ADGRB3: variants seen among roughly 807,000 people sequenced by gnomAD.
ADGRB3 encodes the protein brain-specific angiogenesis inhibitor 3.
In ADGRB3, 37 loss-of-function variants were observed where a neutral mutation model predicts 193.4. That is an observed-to-expected ratio of 0.19 (90% CI 0.15 to 0.25). The LOEUF is 0.25. Among genes scored for constraint, ADGRB3 ranks in the 10% least tolerant of loss-of-function variants. The probability of loss-of-function intolerance (pLI) is 1.00; values close to 1 mark genes in which losing one functional copy is unlikely to be tolerated. For missense variants in ADGRB3, 1,637 were observed against 1,852.9 expected (o/e 0.88, Z 2.14); for synonymous variants, 690 against 644.2 (o/e 1.07, Z -1.08).
rs72235249 is a variant in ADGRB3, at chr6:68,783,291, A to AATAT, written c.757+143873_757+143876dup. ...AACACTGCCCTATATTGCCTCCCTA[A>AATAT]ATATATATATATATATAACATACAT... On this transcript the variant is annotated intron_variant, in intron 3 of 31. Transcript: ENST00000370598. Among the ~76,000 whole-genome samples, 737 of 144,056 alleles carry AATAT rather than the reference A, an allele frequency of 5.1e-3. 6 individuals carry two copies. Among genetic ancestry groups the AATAT allele is most frequent in the African/African-American group, 0.017 (664 of 39,766 alleles). The allele number at this position is 144,056 out of a possible 152,430, so 94.5% of individuals were successfully genotyped here. A position where few individuals can be genotyped will look rare whatever the true frequency, so the allele number is the denominator to read the frequency against.
chr6:69,376,835 C>CT (rs887612387), intron 30 of ADGRB3, among the ~76,000 whole-genome samples: 4 of 151,932 alleles, frequency 2.6e-5, no homozygotes, highest in African/African-American at 7.3e-5. Context: ...CAATAGCCAT[C>CT]TTTTTTTATA....
intron 26 of ADGRB3, among the ~76,000 whole-genome samples, chr6:69,349,196 C>T (rs1048738662): frequency 1.3e-5 from 2 of 152,212 alleles, no homozygotes; most frequent in Admixed American, 1.3e-4. Context: ...CATAATGTCC[C>T]TTTCCTTCCT....
chr6:68,755,036 C>T (rs1279797749), intron 3 of ADGRB3, among the ~76,000 whole-genome samples: 2 of 152,158 alleles, frequency 1.3e-5, no homozygotes, highest in African/African-American at 4.8e-5. Context: ...TGTGCAACCA[C>T]ATGTGCTTGT....
chr6:68,816,650 G>C (rs374699479), intron 3 of ADGRB3, among the ~76,000 whole-genome samples: 1 of 151,586 alleles, frequency 6.6e-6, no homozygotes, highest in East Asian at 1.9e-4. Flanking sequence ...TGGCTCCCAA[G>C]CTACCTTTTC....
At chr6:69,227,066 G>C (rs1766034208) in intron 17 of ADGRB3, among the ~76,000 whole-genome samples, 1 of 152,182 alleles carries the variant, frequency 6.6e-6, no homozygotes, top group Non-Finnish European at 1.5e-5. Flanking sequence ...ACTACAGATG[G>C]GAAGTTACTG....
chr6:69,301,850 G>A (rs983520860), intron 20 of ADGRB3, among the ~76,000 whole-genome samples: 11 of 151,858 alleles, frequency 7.2e-5, no homozygotes, highest in African/African-American at 2.4e-4. Context: ...GTAGATGCAG[G>A]ATTTCTATAA....
At chr6:69,140,824 T>C (rs1329771878) in intron 17 of ADGRB3, among the ~76,000 whole-genome samples, 1 of 151,978 alleles carries the variant, frequency 6.6e-6, no homozygotes, top group African/African-American at 2.4e-5. Context: ...GAGAAAGATA[T>C]GAACAAGAAT....
intron 17 of ADGRB3, among the ~76,000 whole-genome samples, chr6:69,120,554 G>A (rs1441221874): frequency 6.6e-6 from 1 of 152,186 alleles, no homozygotes; most frequent in Non-Finnish European, 1.5e-5. Flanking sequence ...AGAGTGAATG[G>A]TAGTGGTACT....
chr6:68,712,584 T>G (rs994017029), intron 3 of ADGRB3, among the ~76,000 whole-genome samples: 3 of 151,246 alleles, frequency 2.0e-5, no homozygotes, highest in South Asian at 4.2e-4. Context: ...CAGAAAAAAA[T>G]GTAGAAATAT....
chr6:69,080,965 G>A (rs758115009), intron 17 of ADGRB3, among the ~76,000 whole-genome samples: 2 of 151,948 alleles, frequency 1.3e-5, no homozygotes, highest in African/African-American at 2.4e-5. Flanking sequence ...TGTTCTAGGT[G>A]CCAGCATGTT....
Position 69,061,682 on chromosome 6 carries a change from G to T in ADGRB3, c.2334-1252G>T, listed in dbSNP as rs190459382. ...TAATTGATAAATACATCAATAAATT[G>T]TGCTGTATTTGTACCATACAATATT... On this transcript the variant is annotated intron_variant, in intron 15 of 31. Coordinates refer to ENST00000370598, the MANE Select transcript of ADGRB3 (RefSeq NM_001704.3). Among the ~76,000 whole-genome samples the T allele has an allele frequency of 3.8e-3, 369 of 96,474 alleles. 1 individual carries two copies. The highest frequency in any genetic ancestry group is 5.9e-3 in the Non-Finnish European group (243 of 41,458). The allele number at this position is 96,474 out of a possible 152,430, so 63.3% of individuals were successfully genotyped here. A position where few individuals can be genotyped will look rare whatever the true frequency, so the allele number is the denominator to read the frequency against.
At chr6:68,814,718 A>G (rs1238803860) in intron 3 of ADGRB3, among the ~76,000 whole-genome samples, 2 of 152,170 alleles carry the variant, frequency 1.3e-5, no homozygotes, top group African/African-American at 2.4e-5. Flanking sequence ...CCTGATGAAC[A>G]TCGATGCAAA....
chr6:68,964,432 A>G (rs1337816068), intron 8 of ADGRB3, among the ~76,000 whole-genome samples: 2 of 152,140 alleles, frequency 1.3e-5, no homozygotes, highest in South Asian at 2.1e-4. Flanking sequence ...AGCCTTGCCT[A>G]CTTCTCCCAG....
chr6:68,967,581 C>T (rs905536539), intron 8 of ADGRB3, among the ~76,000 whole-genome samples: 4 of 152,248 alleles, frequency 2.6e-5, no homozygotes, highest in African/African-American at 9.6e-5. Context: ...ACACGGCTAT[C>T]TACTGCTAGA....
intron 17 of ADGRB3, among the ~76,000 whole-genome samples, chr6:69,148,837 G>T (rs1393543270): frequency 6.6e-6 from 1 of 151,944 alleles, no homozygotes; most frequent in Non-Finnish European, 1.5e-5. Context: ...TGTTTCCTTC[G>T]GCACCTTAAA....
intron 20 of ADGRB3, among the ~76,000 whole-genome samples, chr6:69,275,641 T>C (rs2127281804): frequency 1.3e-5 from 2 of 152,088 alleles, no homozygotes; most frequent in South Asian, 4.1e-4. Flanking sequence ...ATAAATTCAA[T>C]GATCTGTTAT....
At chr6:68,902,934 T>C (rs1409821760) in intron 3 of ADGRB3, among the ~76,000 whole-genome samples, 4 of 152,160 alleles carry the variant, frequency 2.6e-5, no homozygotes, top group African/African-American at 7.2e-5. Flanking sequence ...CTGTGAAAAG[T>C]CTCTGATTAT....
At chr6:69,324,448 C>A (rs757631970) in intron 20 of ADGRB3, among the ~76,000 whole-genome samples, 2 of 151,956 alleles carry the variant, frequency 1.3e-5, no homozygotes, top group Non-Finnish European at 2.9e-5. Flanking sequence ...AACATCAACA[C>A]AGATAAAACA....
At chr6:68,642,606 A>C (rs544060242) in intron 3 of ADGRB3, among the ~76,000 whole-genome samples, 1 of 152,090 alleles carries the variant, frequency 6.6e-6, no homozygotes, top group Non-Finnish European at 1.5e-5. Flanking sequence ...GTACATTTTT[A>C]AAATTTCTTG....
Sources: gnomAD v4.1 joint callset for allele counts (sites outside exome capture counted in the v4.1 genomes callset) on GRCh38, gnomAD v4.1.1 for gene constraint, MANE v1.5 for transcripts, NCBI Gene and HGNC (gene_info 2026-07-23, HGNC 2026-07-21) for gene names.